The following TFCP2 variants were observed in gnomAD, a reference collection of about 807,000 sequenced individuals.
TFCP2 encodes alpha-globin transcription factor CP2.
In TFCP2, 33 loss-of-function variants were observed where a neutral mutation model predicts 73.4. The observed-to-expected ratio is 0.45, with a 90% CI of 0.34 to 0.60. The LOEUF is 0.60. TFCP2 is among the 20% of genes least tolerant of loss of function. The pLI is 0.01. For synonymous variants in TFCP2, 193 were observed against 211.6 expected (o/e 0.91, Z 0.76); for missense variants, 352 against 604.0 (o/e 0.58, Z 4.37).
At chr12:51,107,692 C>T (rs1200650438) in intron 6 of TFCP2, among the ~76,000 whole-genome samples, 9 of 151,806 alleles carry the variant, frequency 5.9e-5, no homozygotes, top group African/African-American at 1.5e-4. Context: ...CTGCAACCTC[C>T]GCCTCCAGGG....
At chr12:51,152,321 T>C (rs542018018) in intron 1 of TFCP2, among the ~76,000 whole-genome samples, 1 of 151,970 alleles carries the variant, frequency 6.6e-6, no homozygotes, top group African/African-American at 2.4e-5. Flanking sequence ...CCTGCACTTA[T>C]CAAATTGTCA....
chr12:51,154,993 G>A (rs1941508077), intron 1 of TFCP2, among the ~76,000 whole-genome samples: 2 of 152,204 alleles, frequency 1.3e-5, no homozygotes, highest in Admixed American at 1.3e-4. Context: ...TAGGTTGATT[G>A]AGGGAGTAAG....
intron 13 of TFCP2, among the ~76,000 whole-genome samples, chr12:51,097,950 G>A (rs922011839): frequency 1.7e-4 from 26 of 151,132 alleles, no homozygotes; most frequent in African/African-American, 6.3e-4. Flanking sequence ...TAGGAGGCGG[G>A]GTTGCAGTGA....
At position 51,151,274 on chromosome 12, in the gene TFCP2, G is replaced by A. The variant is rs371966096; in HGVS notation, c.122+21027C>T. Among the ~76,000 whole-genome samples the A allele has an allele frequency of 5.1e-3, 783 of 152,302 alleles. 6 individuals carry two copies. The highest frequency in any genetic ancestry group is 9.7e-3 in the Non-Finnish European group (658 of 68,032). ...CAGACCTGTGGCTTTTATTCAGTGAGATGTGAAGCCACTGGACAGTTTTTA... is the reference window on the plus strand; with the variant it reads ...CAGACCTGTGGCTTTTATTCAGTGAAATGTGAAGCCACTGGACAGTTTTTA... On this transcript the variant is annotated intron_variant, in intron 1 of 14. Coordinates refer to ENST00000257915, the MANE Select transcript of TFCP2 (RefSeq NM_005653.5).
intron 6 of TFCP2, among the ~76,000 whole-genome samples, chr12:51,108,403 T>C (rs1940310179): frequency 6.6e-6 from 1 of 152,026 alleles, no homozygotes; most frequent in African/African-American, 2.4e-5. Context: ...AAAGGGAGAA[T>C]TTCAGTGTTG....
intron 1 of TFCP2, among the ~76,000 whole-genome samples, chr12:51,148,846 G>C (rs1281396263): frequency 6.6e-6 from 1 of 151,160 alleles, no homozygotes. Flanking sequence ...CCAATATGGC[G>C]AAACCCTGTC....
chr12:51,125,676 CT>C (rs1940796228), intron 1 of TFCP2, among the ~76,000 whole-genome samples: 1 of 152,196 alleles, frequency 6.6e-6, no homozygotes, highest in African/African-American at 2.4e-5. Context: ...CAATTGAGAT[CT>C]TTTAAATTTG....
chr12:51,121,759 C>T (rs1566210438), intron 1 of TFCP2, among the ~76,000 whole-genome samples: 1 of 152,092 alleles, frequency 6.6e-6, no homozygotes. Flanking sequence ...AGCCACCACA[C>T]CCAGCCCAAT....
intron 13 of TFCP2, among the ~76,000 whole-genome samples, chr12:51,097,887 G>A (rs1428960562): frequency 6.6e-6 from 1 of 151,714 alleles, no homozygotes; most frequent in African/African-American, 2.4e-5. Flanking sequence ...ATGGTGGTGG[G>A]TGCCTGTAAT....
At chr12:51,102,082 T>C in intron 10 of TFCP2, 57 bp from the exon 11 acceptor site, 1 of 1,194,568 alleles carries the variant, frequency 8.4e-7, no homozygotes, top group Middle Eastern at 2.3e-4. Flanking sequence ...TGTTAATGAC[T>C]ATTAAAATGG....
At chr12:51,159,619 G>A (rs1419121544) in intron 1 of TFCP2, among the ~76,000 whole-genome samples, 1 of 151,864 alleles carries the variant, frequency 6.6e-6, no homozygotes, top group South Asian at 2.1e-4. Context: ...TGCCTGGCCA[G>A]AAGCATCAAT....
Position 51,172,577 on chromosome 12 carries a change from CTG to C in TFCP2, c.-157_-156del. On this transcript the variant is annotated 5_prime_UTR_variant, in exon 1 of 15. Coordinates refer to ENST00000257915, the MANE Select transcript of TFCP2 (RefSeq NM_005653.5). The stretch of plus-strand genomic sequence containing the variant: ...ACCCCCAAGCCCGACCAGCACTGCT[CTG>C]TGCACAACTAATCTCCCGTACCCTT... The C allele has an allele frequency of 2.2e-6, 2 of 900,712 alleles. No individual in the cohort carries two copies. Among genetic ancestry groups the C allele is most frequent in the Non-Finnish European group, 3.3e-6 (2 of 607,318 alleles). 55.8% of individuals were successfully genotyped at this position (900,712 alleles called of 1,614,324 possible). A position where few individuals can be genotyped will look rare whatever the true frequency, so the allele number is the denominator to read the frequency against.
intron 1 of TFCP2, among the ~76,000 whole-genome samples, chr12:51,131,289 C>T (rs543570169): frequency 4.0e-4 from 58 of 143,346 alleles, no homozygotes; most frequent in African/African-American, 1.3e-3. Context: ...GAGCCAAGAT[C>T]GCACCACTGC....
chr12:51,117,244 T>C (rs1448525155), intron 3 of TFCP2, among the ~76,000 whole-genome samples: 2 of 152,344 alleles, frequency 1.3e-5, no homozygotes, highest in East Asian at 1.9e-4. Context: ...CTGTTTCAAC[T>C]GTGCTGTGAA....
At chr12:51,157,838 G>C (rs114779872) in intron 1 of TFCP2, among the ~76,000 whole-genome samples, 1 of 151,210 alleles carries the variant, frequency 6.6e-6, no homozygotes, top group Non-Finnish European at 1.5e-5. Flanking sequence ...TCATAGGCGT[G>C]TACTAATTTT....
intron 1 of TFCP2, among the ~76,000 whole-genome samples, chr12:51,139,356 T>G (rs550424134): frequency 6.6e-6 from 1 of 151,950 alleles, no homozygotes; most frequent in African/African-American, 2.4e-5. Context: ...ATACTTCCCA[T>G]CTCTCTTTTC....
chr12:51,137,958 G>A (rs1328502726), intron 1 of TFCP2, among the ~76,000 whole-genome samples: 1 of 152,028 alleles, frequency 6.6e-6, no homozygotes, highest in Admixed American at 6.6e-5. Context: ...CATCTTCACT[G>A]GCAAGCATCA....
chr12:51,137,905 T>C (rs1234965259), intron 1 of TFCP2, among the ~76,000 whole-genome samples: 1 of 152,162 alleles, frequency 6.6e-6, no homozygotes, highest in South Asian at 2.1e-4. Context: ...CGATCCAAAA[T>C]GTCTACCAGC....
intron 14 of TFCP2, among the ~76,000 whole-genome samples, chr12:51,095,613 G>A (rs955603466): frequency 2.0e-5 from 3 of 151,798 alleles, no homozygotes; most frequent in Admixed American, 1.3e-4. Flanking sequence ...TCAGGAGTTC[G>A]AGACCAGCCT....
Sources: gnomAD v4.1 joint callset for allele counts (sites outside exome capture counted in the v4.1 genomes callset) on GRCh38, gnomAD v4.1.1 for gene constraint, MANE v1.5 for transcripts, NCBI Gene and HGNC (gene_info 2026-07-23, HGNC 2026-07-21) for gene names.